DST: variants seen among roughly 807,000 people sequenced by gnomAD.
The protein encoded by DST is bullous pemphigoid antigen.
In DST, 253 loss-of-function variants were observed where a neutral mutation model predicts 875.2. The observed-to-expected ratio is 0.29, with a 90% CI of 0.26 to 0.32. The LOEUF is 0.32. Ranked by LOEUF, DST falls within the 10% of genes least tolerant of loss-of-function variation. DST has a pLI of 1.00. For synonymous variants in DST, 3,124 were observed against 3,197.1 expected, an observed-to-expected ratio of 0.98 and a Z score of 0.77; for missense variants, 8,287 against 9,111.6, an observed-to-expected ratio of 0.91 and a Z score of 3.68.
At chr6:56,792,474 T>A (rs1481591709) in intron 4 of DST, among the ~76,000 whole-genome samples, 1 of 152,124 alleles carries the variant, frequency 6.6e-6, no homozygotes, top group Non-Finnish European at 1.5e-5. Flanking sequence ...ATGATCGATT[T>A]TTTTTTTTAA....
At chr6:56,903,516 G>A (rs1795052599) in intron 2 of DST, among the ~76,000 whole-genome samples, 1 of 152,178 alleles carries the variant, frequency 6.6e-6, no homozygotes, top group Admixed American at 6.5e-5. Context: ...CTGGAGTGCA[G>A]TGGTGTGATC....
At chr6:56,670,224 T>A (rs1167587381) in intron 10 of DST, among the ~76,000 whole-genome samples, 1 of 151,872 alleles carries the variant, frequency 6.6e-6, no homozygotes, top group East Asian at 1.9e-4. Context: ...ATGTGATTTT[T>A]AAATTTTTTT....
chr6:56,882,916 G>C (rs986756094), intron 3 of DST, among the ~76,000 whole-genome samples: 1 of 152,182 alleles, frequency 6.6e-6, no homozygotes, highest in Admixed American at 6.5e-5. Context: ...ACCCAGGCTG[G>C]AATGAGGTGG....
intron 4 of DST, among the ~76,000 whole-genome samples, chr6:56,785,139 G>C (rs1007534513): frequency 6.6e-6 from 1 of 152,118 alleles, no homozygotes; most frequent in South Asian, 2.1e-4. Flanking sequence ...TGCCCCTACT[G>C]GGGGGTGCCT....
chr6:56,463,420 A>T (rs1582017673), intron 101 of DST, 145 bp downstream of exon 101: 2 of 820,720 alleles, frequency 2.4e-6, no homozygotes, highest in Admixed American at 3.2e-5. Flanking sequence ...TCAAAAAAAA[A>T]TTCCTGTATT....
chr6:56,954,411 G>T lies in DST; in HGVS notation c.177C>A (p.Ser59Arg). The change falls in exon 1 of 104, where the codon AGC becomes AGA. Residue 59 changes from serine to arginine, a missense_variant. Physicochemically the swap from Ser to Arg is moderately radical, Grantham distance 110. Around this residue, in one of 10 missense-constraint regions of DST, gnomAD observed 1,160 missense variants for 1,424.3 expected, o/e 0.81. Coordinates refer to ENST00000680361, the MANE Select transcript of DST (RefSeq NM_001374736.1). ...ACCCGTCGCGGCGTGTCTTACCTCGGCTTCTTGAACGACCCGAGAAGACCG... is the reference window on the plus strand; with the variant it reads ...ACCCGTCGCGGCGTGTCTTACCTCGTCTTCTTGAACGACCCGAGAAGACCG... ...MKSVFSGRSRSRDAVLRSHHF... is the reference protein window; with the variant it reads ...MKSVFSGRSRRRDAVLRSHHF... 2 of 1,366,714 alleles carry T rather than the reference G, an allele frequency of 1.5e-6. No homozygotes were observed. Among genetic ancestry groups the T allele is most frequent in the Admixed American group, 1.9e-5 (1 of 52,486 alleles). The allele number at this position is 1,366,714 out of a possible 1,614,324, so 84.7% of individuals were successfully genotyped here. A position where few individuals can be genotyped will look rare whatever the true frequency, so the allele number is the denominator to read the frequency against.
intron 36 of DST, among the ~76,000 whole-genome samples, chr6:56,621,335 C>G (rs2098689120): frequency 3.9e-5 from 6 of 152,130 alleles, no homozygotes; most frequent in Admixed American, 3.9e-4. Flanking sequence ...CTTGAAATTT[C>G]TAAAGTCAGA....
intron 30 of DST, among the ~76,000 whole-genome samples, chr6:56,631,003 G>A (rs1470246461): frequency 3.3e-5 from 5 of 152,052 alleles, no homozygotes; most frequent in South Asian, 4.2e-4. Context: ...AGCTGGTACC[G>A]AACTCCTGAC....
In DST at chr6:56,639,263, A is replaced by G; in HGVS notation, c.2960T>C (p.Ile987Thr). The change falls in exon 22 of 104, where the codon ATT becomes ACT. Residue 987 changes from isoleucine (I) to threonine (T), a missense_variant. Ile to Thr is a moderately conservative substitution (Grantham distance 89, BLOSUM62 -1). Coordinates refer to ENST00000680361, the MANE Select transcript of DST (RefSeq NM_001374736.1). ...LLENHPARLTIEAYRAAMQTQ... is the reference protein window; with the variant it reads ...LLENHPARLTTEAYRAAMQTQ... The stretch of plus-strand genomic sequence containing the variant: ...CATTACACTTTCCAGCTTTACCTCA[A>G]TAGTTAACCGGGCTGGATGATTTTC... 4 of 1,611,668 alleles carry G rather than the reference A, an allele frequency of 2.5e-6. No homozygotes were observed. Among genetic ancestry groups the G allele is most frequent in the Non-Finnish European group, 3.4e-6 (4 of 1,177,876 alleles).
rs550438542 is a variant in DST, at chr6:56,558,770, G to A, written c.14441-1252C>T. Among the ~76,000 whole-genome samples the A allele has an allele frequency of 3.9e-5, 6 of 152,188 alleles. No homozygotes were observed. The South Asian group carries it at 6.2e-4, about 16-fold the overall frequency. On this transcript the variant is annotated intron_variant, in intron 58 of 103. Transcript: ENST00000680361. ...TCTTTGAAGGTTTGTACTCTGAGAC[G>A]ATCCTCTAATCTATCCCTGCTGATT...
At position 56,552,620 on chromosome 6, in the gene DST, A is replaced by G. The variant is rs763685748; in HGVS notation, c.16172T>C (p.Ile5391Thr). The change falls in exon 61 of 104, where the codon ATT (isoleucine) becomes ACT (threonine). Residue 5391 changes from isoleucine to threonine, a missense_variant. Ile to Thr is a moderately conservative substitution (Grantham distance 89). This residue lies in a region of DST where 1,513 missense variants were observed against 1,677.8 expected (regional missense o/e 0.90). Coordinates refer to ENST00000680361, the MANE Select transcript of DST (RefSeq NM_001374736.1). ...LQGIGHFQNT[I>T]REMFSQFAEF... ...TGCGAACTGAGAAAACATTTCTCGA[A>G]TGGTATTCTGGAAATGCCCAATGCC... The G allele has an allele frequency of 1.2e-6, 2 of 1,613,948 alleles. No individual in the cohort carries two copies. The highest frequency in any genetic ancestry group is 1.1e-5 in the South Asian group (1 of 91,076).
Position 56,464,725 on chromosome 6 carries a change from C to T in DST, c.22719G>A (p.Ser7573=), listed in dbSNP as rs751061000. Residue 7573 remains serine, a synonymous_variant, in exon 100 of 104, where the codon TCG becomes TCA. Transcript: ENST00000680361. Reference sequence around the variant, plus strand: ...TAGTAGTAATTGAAGAGTTTGATTCCGAACGTAACATTTTACTCCCATGAT... The same window carrying T: ...TAGTAGTAATTGAAGAGTTTGATTCTGAACGTAACATTTTACTCCCATGAT... ...VHHHGSKMLR[S]ESNSSITTTQ... The T allele has an allele frequency of 1.4e-5, 23 of 1,599,556 alleles. No individual in the cohort carries two copies. Among genetic ancestry groups the T allele is most frequent in the Non-Finnish European group, 1.8e-5 (21 of 1,173,208 alleles).
Position 56,954,735 on chromosome 6 carries a change from T to C in DST, c.-148A>G. The stretch of plus-strand genomic sequence containing the variant: ...GCTCGCGGCCCCGCGCCCAGCCCAA[T>C]GGCTGCGCACCCCGCGCCAGCCGCG... On this transcript the variant is annotated 5_prime_UTR_variant, in exon 1 of 104. Coordinates refer to ENST00000680361, the MANE Select transcript of DST (RefSeq NM_001374736.1). The C allele has an allele frequency of 3.5e-6, 1 of 289,770 alleles. No individual in the cohort carries two copies. The highest frequency in any genetic ancestry group is 5.3e-6 in the Non-Finnish European group (1 of 187,558). 17.9% of individuals were successfully genotyped at this position (289,770 alleles called of 1,614,324 possible). A position where few individuals can be genotyped will look rare whatever the true frequency, so the allele number is the denominator to read the frequency against.
chr6:56,491,454 G>A (rs1234745886), intron 85 of DST, among the ~76,000 whole-genome samples: 1 of 152,072 alleles, frequency 6.6e-6, no homozygotes, highest in Non-Finnish European at 1.5e-5. Context: ...AAGCGAGGTA[G>A]GTACACCTCT....
intron 2 of DST, among the ~76,000 whole-genome samples, chr6:56,931,382 G>T (rs555091312): frequency 9.2e-5 from 14 of 152,194 alleles, no homozygotes; most frequent in Non-Finnish European, 1.8e-4. Flanking sequence ...TGCTGCAGGG[G>T]CAGGGCACTC....
intron 2 of DST, among the ~76,000 whole-genome samples, chr6:56,906,226 G>A (rs1796370488): frequency 1.3e-5 from 2 of 152,136 alleles, no homozygotes; most frequent in Non-Finnish European, 2.9e-5. Flanking sequence ...TTTCTCCATA[G>A]CCTTCTGATA....
Position 56,464,673 on chromosome 6 carries a change from G to T in DST, c.22759+12C>A, listed in dbSNP as rs772606587. 2.3e-5 allele frequency: 36 copies of T among 1,573,840 alleles called. No homozygotes were observed. The highest frequency in any genetic ancestry group is 1.7e-4 in the Middle Eastern group (1 of 6,040). On this transcript the variant is annotated intron_variant, in intron 100 of 103. Transcript: ENST00000680361. ...AGGAAAGAGGGGAGAGGCAAAGAGA[G>T]AGGTTGCCAACCTATAGTAGGCTGA...
rs574942283 is a variant in DST, at chr6:56,597,677, T to C, written c.12195+63A>G. Reference sequence around the variant, plus strand: ...TTTGAAAAGAACTCATGTGCTAGGTTATTTCTCTCTTTACCAACCTGGAAA... The same window carrying C: ...TTTGAAAAGAACTCATGTGCTAGGTCATTTCTCTCTTTACCAACCTGGAAA... On this transcript the variant is annotated intron_variant, in intron 47 of 103. Transcript: ENST00000680361. 66 of 1,530,940 alleles carry C rather than the reference T, an allele frequency of 4.3e-5. No individual in the cohort carries two copies. The Admixed American group carries it at 1.2e-3, about 27-fold the overall frequency. The allele number at this position is 1,530,940 out of a possible 1,614,324, so 94.8% of individuals were successfully genotyped here.
chr6:56,509,269 T>G (rs1253274074), intron 74 of DST, among the ~76,000 whole-genome samples: 1 of 152,158 alleles, frequency 6.6e-6, no homozygotes, highest in Non-Finnish European at 1.5e-5. Context: ...CCCATTTTTG[T>G]GGCTATGTGA....
Sources: gnomAD v4.1 joint callset for allele counts (sites outside exome capture counted in the v4.1 genomes callset) on GRCh38, gnomAD v4.1.1 for gene constraint, gnomAD v4.1.1 regional missense constraint, MANE v1.5 for transcripts, NCBI Gene and HGNC (gene_info 2026-07-23, HGNC 2026-07-21) for gene names.